Variants in RFC2 observed in about 807,000 individuals in gnomAD.
RFC2 encodes replication factor C subunit 2.
Under a neutral mutation model 44.8 loss-of-function variants are expected in RFC2, and 34 were observed. That is an observed-to-expected ratio of 0.76 (90% CI 0.58 to 1.01). The LOEUF is 1.01. Among genes scored for constraint, RFC2 ranks in the 50% least tolerant of loss-of-function variants. RFC2 has a pLI of 0.00. For missense variants in RFC2, 400 were observed against 453.6 expected, an observed-to-expected ratio of 0.88 and a Z score of 1.07; for synonymous variants, 177 against 168.9, an observed-to-expected ratio of 1.05 and a Z score of -0.37.
chr7:74,241,477 CT>C (rs1474838299), intron 6 of RFC2, among the ~76,000 whole-genome samples: 8 of 152,228 alleles, frequency 5.3e-5, no homozygotes, highest in East Asian at 1.9e-4. Flanking sequence ...GTAGCCATGA[CT>C]TTGTGGGTGC....
At chr7:74,248,296 G>A (rs570799115) in intron 4 of RFC2, among the ~76,000 whole-genome samples, 19 of 151,818 alleles carry the variant, frequency 1.3e-4, no homozygotes, top group Admixed American at 5.3e-4. Flanking sequence ...CTTGAGTCCC[G>A]GAGTTCGAGA....
chr7:74,235,853 CT>C (rs1158056072), intron 9 of RFC2, among the ~76,000 whole-genome samples: 1 of 151,630 alleles, frequency 6.6e-6, no homozygotes, highest in African/African-American at 2.4e-5. Flanking sequence ...AGATAAGAGT[CT>C]TGCTATATTG....
chr7:74,239,851 G>T, intron 7 of RFC2, 87 bp downstream of exon 7: 1 of 1,260,148 alleles, frequency 7.9e-7, no homozygotes, highest in Non-Finnish European at 1.1e-6. Context: ...GTTGTACCTT[G>T]TGCAGCTGTC....
chr7:74,249,375 T>C (rs1338313252), intron 3 of RFC2, among the ~76,000 whole-genome samples: 1 of 151,956 alleles, frequency 6.6e-6, no homozygotes, highest in East Asian at 1.9e-4. Context: ...ACCCCGTCTC[T>C]ACTAAAAATA....
chr7:74,249,009 T>C lies in RFC2; in HGVS notation c.332+3A>G, dbSNP rs782793236. On this transcript the variant is annotated splice_donor_region_variant and intron_variant, in intron 4 of 10. Coordinates refer to ENST00000055077, the MANE Select transcript of RFC2 (RefSeq NM_181471.3). ...CCCCTACAGGTCTGACTCTAAGACC[T>C]ACCTGTCATTTGAAGCATTGAGTTC... The C allele has an allele frequency of 1.3e-5, 21 of 1,605,850 alleles. No individual in the cohort carries two copies. The highest frequency in any genetic ancestry group is 1.8e-5 in the Non-Finnish European group (21 of 1,172,908).
intron 6 of RFC2, 99 bp from the exon 7 acceptor site, chr7:74,240,194 C>G (rs536730686): frequency 1.7e-5 from 19 of 1,087,110 alleles, no homozygotes; most frequent in Non-Finnish European, 2.5e-5. Context: ...ATCCACACAG[C>G]CCCAGGCACT....
At chr7:74,239,170 C>CTTTTTTTT (rs34664628) in intron 7 of RFC2, among the ~76,000 whole-genome samples, 182 bp from the exon 8 acceptor site, 1 of 107,972 alleles carries the variant, frequency 9.3e-6, no homozygotes, top group Non-Finnish European at 1.8e-5. Context: ...CCAAGGGTGA[C>CTTTTTTTT]TTTTTTTTTT....
Position 74,246,657 on chromosome 7 carries a change from T to G in RFC2, c.434+5A>C, listed in dbSNP as rs781916581. On this transcript the variant is annotated splice_donor_5th_base_variant and intron_variant, in intron 5 of 10. Coordinates refer to ENST00000055077, the MANE Select transcript of RFC2 (RefSeq NM_181471.3). ...GGTCAAAATACATTTGGCAAAGCAC[T>G]CTACCTGTCTGCTTCATCCAGAATG... is the stretch of plus-strand genomic sequence containing the variant. 10 of 1,583,058 alleles carry G rather than the reference T, an allele frequency of 6.3e-6. No individual in the cohort carries two copies.
rs1002132263 is a variant in RFC2 at position 74,238,332 on chromosome 7, C to T, written c.759+591G>A. On this transcript the variant is annotated intron_variant, in intron 8 of 10. Transcript: ENST00000055077. This position sits in a 1 kb window ranked among gnomAD's most constrained non-coding sequence, Gnocchi z 4.0. ...GTGAATCTCTCAAATGGCATTTAGA[C>T]GCGGAGTTATCAGGATGCGGAAGCA... Among the ~76,000 whole-genome samples, 4 of 152,140 alleles carry T rather than the reference C, an allele frequency of 2.6e-5. 1 individual carries two copies. Among genetic ancestry groups the T allele is most frequent in the Admixed American group, 1.3e-4 (2 of 15,264 alleles).
intron 1 of RFC2, 98 bp from the exon 2 acceptor site, chr7:74,252,596 C>T (rs1787033087): frequency 9.1e-6 from 7 of 768,866 alleles, no homozygotes; most frequent in Non-Finnish European, 1.4e-5. Flanking sequence ...TAAAAAATTA[C>T]ATACATTCAG....
chr7:74,248,246 G>A (rs1160231943), intron 4 of RFC2, among the ~76,000 whole-genome samples: 2 of 151,666 alleles, frequency 1.3e-5, no homozygotes, highest in African/African-American at 4.8e-5. Context: ...GCTCACGTCT[G>A]TAATCCAAGC....
intron 2 of RFC2, among the ~76,000 whole-genome samples, chr7:74,251,125 C>G (rs1475119067): frequency 6.6e-6 from 1 of 151,682 alleles, no homozygotes; most frequent in African/African-American, 2.4e-5. Flanking sequence ...TCCTTGACTC[C>G]TCCCTGCCCT....
At chr7:74,248,217 T>G (rs1302705760) in intron 4 of RFC2, among the ~76,000 whole-genome samples, 1 of 152,022 alleles carries the variant, frequency 6.6e-6, no homozygotes, top group Non-Finnish European at 1.5e-5. Flanking sequence ...ATTTACTGGT[T>G]GAACATCCCA....
At chr7:74,236,193 C>T (rs1292527050) in intron 9 of RFC2, among the ~76,000 whole-genome samples, 2 of 151,916 alleles carry the variant, frequency 1.3e-5, no homozygotes, top group Non-Finnish European at 2.9e-5. Flanking sequence ...CCCACCCACC[C>T]TGCCCCACCC....
At position 74,243,740 on chromosome 7, in the gene RFC2, G is replaced by A. The variant is rs1302902576; in HGVS notation, c.435-494C>T. Among the ~76,000 whole-genome samples the A allele has an allele frequency of 6.7e-5, 10 of 150,104 alleles. 1 individual carries two copies. Among genetic ancestry groups the A allele is most frequent in the Admixed American group, 4.6e-4 (7 of 15,128 alleles). On this transcript the variant is annotated intron_variant, in intron 5 of 10. Coordinates refer to ENST00000055077, the MANE Select transcript of RFC2 (RefSeq NM_181471.3). ...CTCAAAAGGCTGATGCGGGAGGACC[G>A]CTTGAGACCAGGAGTTCGAGACCAG...
At chr7:74,240,670 C>T (rs797030997) in intron 6 of RFC2, among the ~76,000 whole-genome samples, 7 of 152,214 alleles carry the variant, frequency 4.6e-5, no homozygotes. Context: ...AGAAACACAT[C>T]CATGTGCCTG....
Position 74,254,303 on chromosome 7 carries a change from G to A in RFC2, c.81C>T (p.Ala27=). Residue 27 remains alanine (A), a synonymous_variant, in exon 1 of 11, where the codon GCC becomes GCT. Transcript: ENST00000055077. ...DSDPAPAFSK[A]PGSAGHYELP... ...GTTCGTAGTGGCCGGCGCTGCCGGG[G>A]GCCTTGCTGAAGGCAGGGGCAGGGT... 3 of 1,612,764 alleles carry A rather than the reference G, an allele frequency of 1.9e-6. No individual in the cohort carries two copies. Among genetic ancestry groups the A allele is most frequent in the Non-Finnish European group, 2.5e-6 (3 of 1,179,624 alleles).
intron 6 of RFC2, among the ~76,000 whole-genome samples, chr7:74,240,427 G>A (rs1005759664): frequency 1.3e-5 from 2 of 150,630 alleles, no homozygotes; most frequent in Admixed American, 6.7e-5. Context: ...GCTTGAGCAC[G>A]AGAGTTGGAG....
intron 8 of RFC2, among the ~76,000 whole-genome samples, chr7:74,237,672 G>A (rs1300862421): frequency 7.2e-5 from 11 of 152,178 alleles, no homozygotes; most frequent in Admixed American, 6.5e-4. Context: ...AGATGAACAA[G>A]AGAGCAACCA....
Sources: gnomAD v4.1 joint callset for allele counts (sites outside exome capture counted in the v4.1 genomes callset) on GRCh38, gnomAD v4.1.1 for gene constraint, Gnocchi (gnomAD v3.1) non-coding constraint, MANE v1.5 for transcripts, NCBI Gene and HGNC (gene_info 2026-07-23, HGNC 2026-07-21) for gene names.